The following MSTN variants were observed in gnomAD, a reference collection of about 807,000 sequenced individuals.
The protein encoded by MSTN is growth/differentiation factor 8.
Under a neutral mutation model 32.3 loss-of-function variants are expected in MSTN, and 12 were observed. The observed-to-expected ratio is 0.37, with a 90% CI of 0.24 to 0.60. MSTN has a LOEUF of 0.60. Ranked by LOEUF, MSTN falls within the 20% of genes least tolerant of loss-of-function variation. MSTN has a pLI of 0.67. For synonymous variants in MSTN, 168 were observed against 155.1 expected (o/e 1.08, Z -0.62); for missense variants, 403 against 450.3 (o/e 0.89, Z 0.95).
At position 190,060,312 on chromosome 2, in the gene MSTN, G is replaced by A; in HGVS notation, c.497C>T (p.Pro166Leu). 6.2e-7 allele frequency: 1 copy of A among 1,613,012 alleles called. No homozygotes were observed. Among genetic ancestry groups the A allele is most frequent in the Non-Finnish European group, 8.5e-7 (1 of 1,179,252 alleles). Reference protein sequence around the residue: ...LWIYLRPVETPTTVFVQILRL... With the variant: ...LWIYLRPVETLTTVFVQILRL... The stretch of plus-strand genomic sequence containing the variant: ...CAGGATTTGCACAAACACTGTTGTA[G>A]GAGTCTCGACGGGTCTCAAATATAT... Residue 166 changes from proline to leucine, a missense_variant, in exon 2 of 3, where the codon CCT becomes CTT. By Grantham distance (98) the Pro-to-Leu change is moderately conservative. Coordinates refer to ENST00000260950, the MANE Select transcript of MSTN (RefSeq NM_005259.3).
intron 1 of MSTN, among the ~76,000 whole-genome samples, chr2:190,061,273 C>T (rs945934239): frequency 3.3e-5 from 5 of 151,954 alleles, no homozygotes; most frequent in African/African-American, 1.2e-4. Flanking sequence ...TGTATTAAAG[C>T]AAGATAACAG....
chr2:190,060,136 T>C lies in MSTN; in HGVS notation c.673A>G (p.Ile225Val), dbSNP rs750779494. ...WLKQPESNLG[I>V]EIKALDENGH... Reference sequence around the variant, plus strand: ...TTCTCATCTAAAGCTTTTATTTCAATGCCTAAGTTGGATTCAGGTTGTTTG... The same window carrying C: ...TTCTCATCTAAAGCTTTTATTTCAACGCCTAAGTTGGATTCAGGTTGTTTG... Residue 225 changes from isoleucine (I) to valine (V), a missense_variant, in exon 2 of 3, where the codon ATT becomes GTT. By Grantham distance (29) the Ile-to-Val change is conservative (BLOSUM62 3). Transcript: ENST00000260950. 9.3e-6 allele frequency: 15 copies of C among 1,612,968 alleles called. No individual in the cohort carries two copies. The highest frequency in any genetic ancestry group is 1.2e-5 in the Non-Finnish European group (14 of 1,179,200).
In MSTN at chr2:190,062,439, A is replaced by G. The variant is rs751448366; in HGVS notation, c.158T>C (p.Ile53Thr). ...GAGGATTTGTATCTTAATGGCTTCT[A>G]TTCTTGAAGATTTAGTGTTTTGTCT... ...TWRQNTKSSR[I>T]EAIKIQILSK... The change falls in exon 1 of 3, where the codon ATA becomes ACA. Residue 53 changes from isoleucine (I) to threonine (T), a missense_variant. By Grantham distance (89) the Ile-to-Thr change is moderately conservative. Transcript: ENST00000260950. 1 of 1,613,338 alleles carries G rather than the reference A, an allele frequency of 6.2e-7. No homozygotes were observed. The highest frequency in any genetic ancestry group is 1.7e-5 in the Admixed American group (1 of 59,914).
intron 2 of MSTN, among the ~76,000 whole-genome samples, chr2:190,058,963 A>AC (rs1254743924): frequency 6.6e-6 from 1 of 151,642 alleles, no homozygotes; most frequent in African/African-American, 2.4e-5. Flanking sequence ...AACCACTTGT[A>AC]CCCCCCAACA....
rs1685633796 is a variant in MSTN, at chr2:190,062,719, C to G, written c.-123G>C. 1.1e-6 allele frequency: 1 copy of G among 872,092 alleles called. No individual in the cohort carries two copies. The highest frequency in any genetic ancestry group is 1.7e-6 in the Non-Finnish European group (1 of 573,052). The allele number at this position is 872,092 out of a possible 1,614,324, so 54.0% of individuals were successfully genotyped here. On this transcript the variant is annotated 5_prime_UTR_variant, in exon 1 of 3. Transcript: ENST00000260950. ...ACAGTCTGAGAGACAACTTGCCACACCAGTGAATCTTTTATACTGTATTCC... is the reference window on the plus strand; with the variant it reads ...ACAGTCTGAGAGACAACTTGCCACAGCAGTGAATCTTTTATACTGTATTCC...
Position 190,060,314 on chromosome 2 carries a change from A to T in MSTN, c.495T>A (p.Thr165=), listed in dbSNP as rs1261748072. The T allele has an allele frequency of 1.2e-6, 2 of 1,613,006 alleles. No homozygotes were observed. Among genetic ancestry groups the T allele is most frequent in the Non-Finnish European group, 1.7e-6 (2 of 1,179,262 alleles). The change falls in exon 2 of 3, where the codon ACT becomes ACA. Residue 165 remains threonine (T), a synonymous_variant. Coordinates refer to ENST00000260950, the MANE Select transcript of MSTN (RefSeq NM_005259.3). ...QLWIYLRPVE[T]PTTVFVQILR... ...GGATTTGCACAAACACTGTTGTAGG[A>T]GTCTCGACGGGTCTCAAATATATCC...
chr2:190,061,350 T>C (rs553508886), intron 1 of MSTN, among the ~76,000 whole-genome samples: 10 of 152,194 alleles, frequency 6.6e-5, no homozygotes, highest in African/African-American at 2.4e-4. Context: ...CTGGAGAAAG[T>C]ATTCTTTTGA....
In MSTN at chr2:190,057,294, A is replaced by G; in HGVS notation, c.1092T>C (p.Ile364=). 6.2e-7 allele frequency: 1 copy of G among 1,613,430 alleles called. No individual in the cohort carries two copies. Among genetic ancestry groups the G allele is most frequent in the Non-Finnish European group, 8.5e-7 (1 of 1,179,544 alleles). ...CACAGCGGTCTACTACCATCGCTGG[A>G]ATTTTCCCATATATTATTTGTTCTT... ...NGKEQIIYGK[I]PAMVVDRCGC... is the part of the protein sequence containing the mutation. The change falls in exon 3 of 3, where the codon ATT becomes ATC. Residue 364 remains isoleucine, a synonymous_variant. Coordinates refer to ENST00000260950, the MANE Select transcript of MSTN (RefSeq NM_005259.3).
At chr2:190,058,964 C>A (rs910300481) in intron 2 of MSTN, among the ~76,000 whole-genome samples, 3 of 151,432 alleles carry the variant, frequency 2.0e-5, no homozygotes, top group African/African-American at 7.3e-5. Context: ...ACCACTTGTA[C>A]CCCCCAACAT....
chr2:190,062,186 C>A, intron 1 of MSTN, 38 bp downstream of exon 1: 2 of 1,604,230 alleles, frequency 1.2e-6, no homozygotes, highest in South Asian at 2.2e-5. Flanking sequence ...GAACAACAGT[C>A]AGCAGAACTG....
intron 1 of MSTN, among the ~76,000 whole-genome samples, chr2:190,061,283 G>T (rs1685585854): frequency 6.6e-6 from 1 of 151,946 alleles, no homozygotes; most frequent in African/African-American, 2.4e-5. Flanking sequence ...CAAGATAACA[G>T]GTAACACAAA....
chr2:190,059,977 T>A, intron 2 of MSTN, 85 bp downstream of exon 2: 1 of 1,400,528 alleles, frequency 7.1e-7, no homozygotes, highest in South Asian at 1.2e-5. Flanking sequence ...GCTTAGGGAA[T>A]TTGTAGCTAT....
chr2:190,056,876 G>A lies in MSTN; in HGVS notation c.*382C>T, dbSNP rs1685446074. 1 of 228,008 alleles carries A rather than the reference G, an allele frequency of 4.4e-6. No individual in the cohort carries two copies. Among genetic ancestry groups the A allele is most frequent in the African/African-American group, 2.3e-5 (1 of 43,018 alleles). The allele number at this position is 228,008 out of a possible 1,614,324, so 14.1% of individuals were successfully genotyped here. ...AACAATCCTGCATTTTACCAATACTGTATGTGGATTTTTCTGTAAATATTA... is the reference window on the plus strand; with the variant it reads ...AACAATCCTGCATTTTACCAATACTATATGTGGATTTTTCTGTAAATATTA... On this transcript the variant is annotated 3_prime_UTR_variant, in exon 3 of 3. Coordinates refer to ENST00000260950, the MANE Select transcript of MSTN (RefSeq NM_005259.3).
intron 1 of MSTN, 146 bp downstream of exon 1, chr2:190,062,078 A>C (rs1685610154): frequency 3.6e-6 from 3 of 834,496 alleles, no homozygotes; most frequent in South Asian, 1.8e-5. Context: ...ATTCTCATGC[A>C]ATCTTGAAAA....
intron 2 of MSTN, among the ~76,000 whole-genome samples, chr2:190,058,494 G>C (rs924997693): frequency 6.6e-6 from 1 of 151,878 alleles, no homozygotes; most frequent in Non-Finnish European, 1.5e-5. Flanking sequence ...ATTTAAAGTA[G>C]CATATATAAA....
At chr2:190,059,469 A>G (rs1203706249) in intron 2 of MSTN, among the ~76,000 whole-genome samples, 1 of 151,988 alleles carries the variant, frequency 6.6e-6, no homozygotes, top group African/African-American at 2.4e-5. Flanking sequence ...GGAGTATTCC[A>G]CAAAGAAATA....
At position 190,060,048 on chromosome 2, in the gene MSTN, C is replaced by T. The variant is rs1444641297; in HGVS notation, c.747+14G>A. On this transcript the variant is annotated intron_variant, in intron 2 of 2. Transcript: ENST00000260950. ...CATAAGGTTATTATAATGTTATTTTCAGTTATCACTTACCAGCCCATCTTC... is the reference window on the plus strand; with the variant it reads ...CATAAGGTTATTATAATGTTATTTTTAGTTATCACTTACCAGCCCATCTTC... The T allele has an allele frequency of 1.9e-6, 3 of 1,609,052 alleles. 1 individual carries two copies. The highest frequency in any genetic ancestry group is 2.2e-5 in the South Asian group (2 of 90,826).
At chr2:190,059,331 T>A (rs557688509) in intron 2 of MSTN, among the ~76,000 whole-genome samples, 6 of 152,010 alleles carry the variant, frequency 3.9e-5, no homozygotes, top group African/African-American at 1.4e-4. Flanking sequence ...TAAGGTATTG[T>A]CATTTACTTG....
chr2:190,057,124 A>G lies in MSTN; in HGVS notation c.*134T>C. The G allele has an allele frequency of 2.3e-6, 2 of 873,332 alleles. No individual in the cohort carries two copies. Among genetic ancestry groups the G allele is most frequent in the South Asian group, 1.7e-5 (1 of 59,474 alleles). 54.1% of individuals were successfully genotyped at this position (873,332 alleles called of 1,614,324 possible). On this transcript the variant is annotated 3_prime_UTR_variant, in exon 3 of 3. Transcript: ENST00000260950. ...GCATATATTCCCCCTTTTAGTTTACATACTGTAGCTTATGCTTAAGTGACT... is the reference window on the plus strand; with the variant it reads ...GCATATATTCCCCCTTTTAGTTTACGTACTGTAGCTTATGCTTAAGTGACT...
Sources: gnomAD v4.1 joint callset for allele counts (sites outside exome capture counted in the v4.1 genomes callset) on GRCh38, gnomAD v4.1.1 for gene constraint, MANE v1.5 for transcripts, NCBI Gene and HGNC (gene_info 2026-07-23, HGNC 2026-07-21) for gene names.